The following USH2A variants were observed in gnomAD, a reference collection of about 807,000 sequenced individuals.
The protein encoded by USH2A is Usher syndrome 2A (autosomal recessive, mild).
A neutral mutation model predicts 538.9 loss-of-function variants in USH2A; 443 were observed. That is an observed-to-expected ratio of 0.82 (90% CI 0.76 to 0.89). USH2A has a LOEUF of 0.89. Among genes scored for constraint, USH2A ranks in the 40% least tolerant of loss-of-function variants. The pLI is 0.00. For missense variants in USH2A, 6,633 were observed against 6,324.8 expected, an observed-to-expected ratio of 1.05 and a Z score of -1.65; for synonymous variants, 2,413 against 2,273.5, an observed-to-expected ratio of 1.06 and a Z score of -1.75.
intron 21 of USH2A, among the ~76,000 whole-genome samples, chr1:216,169,314 C>T (rs916842291): frequency 5.3e-5 from 8 of 152,012 alleles, no homozygotes; most frequent in African/African-American, 1.9e-4. Flanking sequence ...GCTCAGCTTA[C>T]CAGTTACCTA....
intron 35 of USH2A, among the ~76,000 whole-genome samples, chr1:215,983,011 C>T (rs975157122): frequency 6.8e-4 from 103 of 152,270 alleles, no homozygotes; most frequent in African/African-American, 2.5e-3. Flanking sequence ...AGTGCAATGG[C>T]ACACTCTCGG....
At chr1:215,753,312 T>A (rs1660681170) in intron 58 of USH2A, among the ~76,000 whole-genome samples, 1 of 152,110 alleles carries the variant, frequency 6.6e-6, no homozygotes, top group Non-Finnish European at 1.5e-5. Context: ...CATTACTGGG[T>A]ATATACCCAA....
intron 11 of USH2A, among the ~76,000 whole-genome samples, chr1:216,287,869 T>G (rs928994714): frequency 1.3e-5 from 2 of 152,182 alleles, no homozygotes; most frequent in Non-Finnish European, 2.9e-5. Flanking sequence ...CCGTTTAAAA[T>G]AACAATCTAA....
At chr1:215,891,987 C>T (rs2102463118) in intron 40 of USH2A, among the ~76,000 whole-genome samples, 1 of 152,292 alleles carries the variant, frequency 6.6e-6, no homozygotes, top group East Asian at 1.9e-4. Flanking sequence ...AAAGTAGTTT[C>T]ATTTTGGCAA....
At chr1:216,089,580 T>A (rs1447653306) in intron 22 of USH2A, among the ~76,000 whole-genome samples, 1 of 152,094 alleles carries the variant, frequency 6.6e-6, no homozygotes, top group Non-Finnish European at 1.5e-5. Context: ...GTCACTCTTA[T>A]CTTCACAAAA....
intron 15 of USH2A, among the ~76,000 whole-genome samples, chr1:216,208,259 C>A (rs1045725923): frequency 6.6e-6 from 1 of 151,990 alleles, no homozygotes; most frequent in Non-Finnish European, 1.5e-5. Flanking sequence ...CACCAGTTTA[C>A]GTACTATTTT....
intron 4 of USH2A, among the ~76,000 whole-genome samples, chr1:216,359,329 C>T (rs1445873879): frequency 6.6e-6 from 1 of 151,972 alleles, no homozygotes; most frequent in Non-Finnish European, 1.5e-5. Context: ...CCACTTAATG[C>T]ACATTTACTA....
intron 58 of USH2A, among the ~76,000 whole-genome samples, chr1:215,754,562 G>A (rs1210817544): frequency 1.3e-5 from 2 of 151,782 alleles, no homozygotes; most frequent in African/African-American, 2.4e-5. Context: ...CAGTATTTTG[G>A]CTTTAGACCA....
At chr1:216,203,118 G>T (rs983976351) in intron 16 of USH2A, among the ~76,000 whole-genome samples, 3 of 152,018 alleles carry the variant, frequency 2.0e-5, no homozygotes, top group Non-Finnish European at 2.9e-5. Flanking sequence ...TTCCAGGAAA[G>T]AATATAGTAG....
At chr1:215,970,820 A>G in intron 35 of USH2A, 44 bp from the exon 36 acceptor site, 2 of 1,593,964 alleles carry the variant, frequency 1.3e-6, no homozygotes, top group Non-Finnish European at 1.7e-6. Flanking sequence ...ACTAGACAAT[A>G]GCAAAGAAGG....
intron 65 of USH2A, among the ~76,000 whole-genome samples, chr1:215,649,777 T>C (rs139488926): frequency 1.8e-4 from 27 of 152,296 alleles, no homozygotes; most frequent in African/African-American, 6.3e-4. Context: ...ATCTGCACAA[T>C]CTCTATACAA....
intron 32 of USH2A, among the ~76,000 whole-genome samples, chr1:216,013,235 C>A (rs1668620725): frequency 6.7e-6 from 1 of 150,360 alleles, no homozygotes; most frequent in African/African-American, 2.4e-5. Flanking sequence ...TTCTAAATGA[C>A]AAATGTTTCT....
chr1:216,337,857 C>G (rs1010621799), intron 4 of USH2A, among the ~76,000 whole-genome samples: 2 of 151,072 alleles, frequency 1.3e-5, no homozygotes, highest in African/African-American at 4.8e-5. Flanking sequence ...TATAATATTT[C>G]TTTATATCAG....
chr1:215,723,315 T>TC (rs1659716156), intron 61 of USH2A, among the ~76,000 whole-genome samples: 1 of 152,192 alleles, frequency 6.6e-6, no homozygotes, highest in South Asian at 2.1e-4. Context: ...CTGCTGCTGT[T>TC]CCTGCCAACA....
At chr1:215,667,551 T>A (rs1571942869) in intron 64 of USH2A, among the ~76,000 whole-genome samples, 2 of 151,784 alleles carry the variant, frequency 1.3e-5, no homozygotes, top group East Asian at 1.9e-4. Flanking sequence ...ACAAAAAAAA[T>A]TCGCCACGCA....
At chr1:215,861,821 A>C (rs902657954) in intron 44 of USH2A, among the ~76,000 whole-genome samples, 28 of 150,134 alleles carry the variant, frequency 1.9e-4, no homozygotes, top group African/African-American at 6.9e-4. Context: ...ATGCCATGCA[A>C]TAGTTAGTAG....
At chr1:216,410,988 A>G (rs1473392032) in intron 3 of USH2A, among the ~76,000 whole-genome samples, 2 of 152,138 alleles carry the variant, frequency 1.3e-5, no homozygotes, top group Admixed American at 6.6e-5. Flanking sequence ...AGTGATCTTT[A>G]GGAAAAAATA....
chr1:216,043,132 G>C (rs191917294), intron 32 of USH2A, among the ~76,000 whole-genome samples: 95 of 152,164 alleles, frequency 6.2e-4, no homozygotes, highest in African/African-American at 2.2e-3. Context: ...AATAAAATAT[G>C]AGCAACAAGC....
At chr1:216,191,530 C>A (rs558847656) in intron 19 of USH2A, among the ~76,000 whole-genome samples, 1 of 151,920 alleles carries the variant, frequency 6.6e-6, no homozygotes, top group East Asian at 1.9e-4. Flanking sequence ...ACTTTAAAAC[C>A]ATTTCCTTGC....
Sources: gnomAD v4.1 joint callset for allele counts (sites outside exome capture counted in the v4.1 genomes callset) on GRCh38, gnomAD v4.1.1 for gene constraint, MANE v1.5 for transcripts, NCBI Gene and HGNC (gene_info 2026-07-23, HGNC 2026-07-21) for gene names.